The following TNXB variants were observed in gnomAD, a reference collection of about 807,000 sequenced individuals.
TNXB encodes the protein tenascin XB, also known as tenascin-X.
Under a neutral mutation model 340.5 loss-of-function variants are expected in TNXB, and 183 were observed. The ratio of observed to expected loss-of-function variants is 0.54; its 90% CI spans 0.48 to 0.61. The LOEUF (loss-of-function observed/expected upper bound fraction) is 0.61, where lower values mean the gene tolerates loss of function less well. TNXB is among the 20% of genes least tolerant of loss of function. The pLI, the probability that TNXB is intolerant of heterozygous loss-of-function variation, is 0.00. For missense variants in TNXB, 4,613 were observed against 5,446.4 expected (o/e 0.85, Z 4.82); for synonymous variants, 2,121 against 2,314.5 (o/e 0.92, Z 2.40).
At position 32,051,116 on chromosome 6, in the gene TNXB, TG is replaced by T; in HGVS notation, c.9116-796del. On this transcript the variant is annotated intron_variant, in intron 26 of 43. Coordinates refer to ENST00000644971, the MANE Select transcript of TNXB (RefSeq NM_001365276.2). This position sits in a 1 kb window ranked among gnomAD's most constrained non-coding sequence, Gnocchi z 4.7. ...AGCCTCCTGGCCTTTGCACCACCTG[TG>T]CTGATCTGACACGCTTCACCTTCTC... 6.6e-6 allele frequency among the ~76,000 whole-genome samples: 1 copy of T among 152,350 alleles called. No homozygotes were observed. Among genetic ancestry groups the T allele is most frequent in the African/African-American group, 2.4e-5 (1 of 41,576 alleles).
Position 32,073,905 on chromosome 6 carries a change from G to T in TNXB, c.4423C>A (p.Pro1475Thr). The T allele has an allele frequency of 6.2e-7, 1 of 1,607,654 alleles. No individual in the cohort carries two copies. The highest frequency in any genetic ancestry group is 1.1e-5 in the South Asian group (1 of 89,888). The part of the protein sequence containing the change: ...TPPATESPLE[P>T]RLGELTVTDV... The stretch of plus-strand genomic sequence containing the variant: ...GTCACTGTCAGCTCTCCTAGGCGTG[G>T]CTCCAGCGGGGACTCAGTGGCTGGA... The change falls in exon 12 of 44, where the codon CCA (proline) becomes ACA (threonine). Residue 1475 changes from proline to threonine, a missense_variant. Pro to Thr is a conservative substitution (Grantham distance 38). Coordinates refer to ENST00000644971, the MANE Select transcript of TNXB (RefSeq NM_001365276.2). This position sits in a 1 kb window ranked among gnomAD's most constrained non-coding sequence, Gnocchi z 4.6.
At chr6:32,060,224 C>T (rs1028759202) in intron 21 of TNXB, among the ~76,000 whole-genome samples, 3 of 149,552 alleles carry the variant, frequency 2.0e-5, no homozygotes, top group South Asian at 2.2e-4. Flanking sequence ...CCCAGCTACT[C>T]GGGAGGCTGA....
At position 32,098,086 on chromosome 6, in the gene TNXB, CG is replaced by C. The variant is rs758797300; in HGVS notation, c.112del (p.Arg38GlyfsTer66). On this transcript the variant is annotated frameshift_variant, in exon 2 of 44. Coordinates refer to ENST00000644971, the MANE Select transcript of TNXB (RefSeq NM_001365276.2). LOFTEE classifies it high-confidence loss of function. ...SRSNVTLPAP[R>X]PPPQPGGHTV... Reference sequence around the variant, plus strand: ...GTGGCCCCCTGGCTGGGGAGGGGGCCGGGGGGCTGGCAGTGTCACATTGGAC... The same window carrying C: ...GTGGCCCCCTGGCTGGGGAGGGGGCCGGGGGCTGGCAGTGTCACATTGGAC... 3.1e-6 allele frequency: 5 copies of C among 1,605,026 alleles called. No homozygotes were observed. The highest frequency in any genetic ancestry group is 4.2e-6 in the Non-Finnish European group (5 of 1,176,748).
chr6:32,098,002 C>T lies in TNXB; in HGVS notation c.197G>A (p.Gly66Glu), dbSNP rs200569294. 1.9e-6 allele frequency: 3 copies of T among 1,607,480 alleles called. No individual in the cohort carries two copies. The highest frequency in any genetic ancestry group is 2.2e-5 in the South Asian group (2 of 89,570). ...SSQLYEHTVE[G>E]GEKQVVFTHR... ...GGTGAATACCACCTGCTTCTCCCCTCCTTCCACTGTGTGCTCGTAAAGCTG... is the reference window on the plus strand; with the variant it reads ...GGTGAATACCACCTGCTTCTCCCCTTCTTCCACTGTGTGCTCGTAAAGCTG... Residue 66 changes from glycine (G) to glutamate (E), a missense_variant, in exon 2 of 44, where the codon GGA (glycine) becomes GAA (glutamate). Gly to Glu is a moderately conservative substitution (Grantham distance 98). Transcript: ENST00000644971.
chr6:32,043,819 G>C lies in TNXB; in HGVS notation c.11460C>G (p.Arg3820=), dbSNP rs183465462. Residue 3820 remains arginine, a synonymous_variant, in exon 35 of 44, where the codon CGC becomes CGG. Coordinates refer to ENST00000644971, the MANE Select transcript of TNXB (RefSeq NM_001365276.2). ...QKLQGLIPGA[R]YEVTVVSVRG... is the part of the protein sequence containing the mutation. Reference sequence around the variant, plus strand: ...GGACCGAGACCACGGTCACCTCATAGCGAGCGCCTGGGATCAGCCCCTGGA... The same window carrying C: ...GGACCGAGACCACGGTCACCTCATACCGAGCGCCTGGGATCAGCCCCTGGA... 1.2e-6 allele frequency: 2 copies of C among 1,613,606 alleles called. No homozygotes were observed. The highest frequency in any genetic ancestry group is 1.7e-5 in the Admixed American group (1 of 60,026).
rs768731027 is a variant in TNXB at position 32,087,248 on chromosome 6, T to C, written c.2780-1130A>G. On this transcript the variant is annotated intron_variant, in intron 6 of 43. Transcript: ENST00000644971. This position sits in a 1 kb window ranked among gnomAD's most constrained non-coding sequence, Gnocchi z 9.0. ...GGTGTCCCGTGGCCCCAGCCCACACTACCTGTGGTGGTGATGAAGGCGTAG... is the reference window on the plus strand; with the variant it reads ...GGTGTCCCGTGGCCCCAGCCCACACCACCTGTGGTGGTGATGAAGGCGTAG... 3 of 503,400 alleles carry C rather than the reference T, an allele frequency of 6.0e-6. No individual in the cohort carries two copies. Among genetic ancestry groups the C allele is most frequent in the Non-Finnish European group, 1.2e-5 (3 of 253,070 alleles). 31.2% of individuals were successfully genotyped at this position (503,400 alleles called of 1,614,324 possible).
Position 32,095,925 on chromosome 6 carries a change from G to A in TNXB, c.1928C>T (p.Thr643Ile), listed in dbSNP as rs1448592507. ...CATGCGGGTGGCACAGGTAGGGCCG[G>A]TGTAGCCTGGGTCGCACAGGCAGCG... ...EGRCLCDPGYTGPTCATRMCP... is the reference protein window; with the variant it reads ...EGRCLCDPGYIGPTCATRMCP... Residue 643 changes from threonine (T) to isoleucine (I), a missense_variant, in exon 3 of 44, where the codon ACC (threonine) becomes ATC (isoleucine). Physicochemically the swap from Thr to Ile is moderately conservative, Grantham distance 89. Transcript: ENST00000644971. 6.2e-7 allele frequency: 1 copy of A among 1,612,830 alleles called. No individual in the cohort carries two copies. Among genetic ancestry groups the A allele is most frequent in the Admixed American group, 1.7e-5 (1 of 59,946 alleles).
intron 18 of TNXB, among the ~76,000 whole-genome samples, chr6:32,065,574 T>C (rs542572541): frequency 1.3e-5 from 2 of 152,312 alleles, no homozygotes; most frequent in South Asian, 2.1e-4. Flanking sequence ...CAAGGCATGA[T>C]TGTTCACTTA....
At chr6:32,094,037 T>C (rs1276659076) in intron 4 of TNXB, among the ~76,000 whole-genome samples, 1 of 132,502 alleles carries the variant, frequency 7.5e-6, no homozygotes, top group Non-Finnish European at 1.5e-5. Context: ...GAGGTTGCAG[T>C]GAGCTGAGAT....
rs906668522 is a variant in TNXB, at chr6:32,084,248, T to C, written c.3445+165A>G. On this transcript the variant is annotated intron_variant, in intron 8 of 43. Transcript: ENST00000644971. The surrounding 1 kb of genome is among the most constrained non-coding windows in gnomAD (Gnocchi z 5.5). ...GTGACTCCCTCAGGCTGCACTGAGC[T>C]TCTCAAACTCTTTGCCTGCCCCACC... is the stretch of plus-strand genomic sequence containing the variant. Among the ~76,000 whole-genome samples the C allele has an allele frequency of 4.6e-5, 7 of 152,148 alleles. No individual in the cohort carries two copies. The highest frequency in any genetic ancestry group is 1.7e-4 in the African/African-American group (7 of 41,422).
Position 32,083,151 on chromosome 6 carries a change from G to A in TNXB, c.3446-825C>T, listed in dbSNP as rs924017769. ...TCCGTAGCCCTTGAATCACTGTTCC[G>A]GAATCTGACAAGTCCAACCGCACCC... On this transcript the variant is annotated intron_variant, in intron 8 of 43. Coordinates refer to ENST00000644971, the MANE Select transcript of TNXB (RefSeq NM_001365276.2). The surrounding 1 kb of genome is among the most constrained non-coding windows in gnomAD (Gnocchi z 4.6). Among the ~76,000 whole-genome samples the A allele has an allele frequency of 1.3e-5, 2 of 152,094 alleles. No individual in the cohort carries two copies. Among genetic ancestry groups the A allele is most frequent in the Non-Finnish European group, 2.9e-5 (2 of 68,022 alleles).
intron 1 of TNXB, among the ~76,000 whole-genome samples, chr6:32,102,890 A>G (rs1410654859): frequency 6.6e-6 from 1 of 152,244 alleles, no homozygotes; most frequent in Non-Finnish European, 1.5e-5. Flanking sequence ...ACTGCACTCC[A>G]GCCTGGCAAC....
At position 32,061,234 on chromosome 6, in the gene TNXB, T is replaced by C. The variant is rs1250717808; in HGVS notation, c.7492+163A>G. Among the ~76,000 whole-genome samples the C allele has an allele frequency of 2.0e-5, 3 of 151,576 alleles. No homozygotes were observed. The highest frequency in any genetic ancestry group is 4.4e-5 in the Non-Finnish European group (3 of 68,000). On this transcript the variant is annotated intron_variant, in intron 21 of 43. Transcript: ENST00000644971. This position sits in a 1 kb window ranked among gnomAD's most constrained non-coding sequence, Gnocchi z 4.4. ...CCATTAGAGGGAGGCCACGCCAAAG[T>C]GAACAAGCAAACCGCTAGCATAGGC...
At position 32,085,795 on chromosome 6, in the gene TNXB, G is replaced by A. The variant is rs1779730237; in HGVS notation, c.3103C>T (p.Pro1035Ser). The A allele has an allele frequency of 6.3e-7, 1 of 1,586,102 alleles. No individual in the cohort carries two copies. The highest frequency in any genetic ancestry group is 1.7e-5 in the Admixed American group (1 of 59,182). The stretch of plus-strand genomic sequence containing the variant: ...ATGGGGTCAGAGGGCTTGCCCCCAG[G>A]AGGGACCCCATGAAGTGACAGCTCA... Reference protein sequence around the residue: ...PYELSLHGVPPGGKPSDPIIY... With the variant: ...PYELSLHGVPSGGKPSDPIIY... The change falls in exon 7 of 44, where the codon CCT becomes TCT. Residue 1035 changes from proline (P) to serine (S), a missense_variant. Pro to Ser is a moderately conservative substitution (Grantham distance 74, BLOSUM62 -1). Around this residue, in one of 7 missense-constraint regions of TNXB, gnomAD observed 4,327 missense variants for 4,859.4 expected, o/e 0.89. Transcript: ENST00000644971. The surrounding 1 kb of genome is among the most constrained non-coding windows in gnomAD (Gnocchi z 6.4).
At position 32,053,680 on chromosome 6, in the gene TNXB, T is replaced by A; in HGVS notation, c.8499A>T (p.Ala2833=). 1.2e-6 allele frequency: 2 copies of A among 1,612,978 alleles called. No homozygotes were observed. Among genetic ancestry groups the A allele is most frequent in the Non-Finnish European group, 8.5e-7 (1 of 1,179,630 alleles). The change falls in exon 25 of 44, where the codon GCA becomes GCT. Residue 2833 remains alanine, a synonymous_variant. Transcript: ENST00000644971. Reference sequence around the variant, plus strand: ...GGGGCTCAGGGGTTGTGGTGGGCACTGCTTGGGTGGTCTCTGCTTCATCCT... The same window carrying A: ...GGGGCTCAGGGGTTGTGGTGGGCACAGCTTGGGTGGTCTCTGCTTCATCCT... ...APEDEAETTQ[A]VPTTTPEPPN...
chr6:32,050,345 G>C, intron 26 of TNXB, 24 bp from the exon 27 acceptor site: 8 of 1,606,730 alleles, frequency 5.0e-6, no homozygotes, highest in Non-Finnish European at 6.8e-6. Context: ...TGTGGGGACA[G>C]TGAGGACCCT....
rs561570384 is a variant in TNXB at position 32,046,375 on chromosome 6, C to A, written c.10406G>T (p.Trp3469Leu). Residue 3469 changes from tryptophan (W) to leucine (L), a missense_variant, in exon 31 of 44, where the codon TGG becomes TTG. Coordinates refer to ENST00000644971, the MANE Select transcript of TNXB (RefSeq NM_001365276.2). This position sits in a 1 kb window ranked among gnomAD's most constrained non-coding sequence, Gnocchi z 6.9. ...EETSSSLRLS[W>L]TVAQGPFDSF... is the part of the protein sequence containing the mutation. ...GTCAAAGGGGCCCTGGGCTACCGTC[C>A]AGGACAGGCGCAGAGAGCTGGAGGT... The A allele has an allele frequency of 6.9e-5, 110 of 1,599,170 alleles. No individual in the cohort carries two copies. Among genetic ancestry groups the A allele is most frequent in the Non-Finnish European group, 9.4e-5 (110 of 1,172,570 alleles).
In TNXB at chr6:32,084,704, C is replaced by T; in HGVS notation, c.3154G>A (p.Asp1052Asn). The T allele has an allele frequency of 6.4e-7, 1 of 1,563,280 alleles. No homozygotes were observed. The highest frequency in any genetic ancestry group is 8.7e-7 in the Non-Finnish European group (1 of 1,150,986). The change falls in exon 8 of 44, where the codon GAT (aspartate) becomes AAT (asparagine). Residue 1052 changes from aspartate (D) to asparagine (N), a missense_variant. Asp to Asn is a conservative substitution (Grantham distance 23). Transcript: ENST00000644971. The surrounding 1 kb of genome is among the most constrained non-coding windows in gnomAD (Gnocchi z 5.5). ...GAGGACTTCCCAGGCTTCTCCTCAT[C>T]CTTGTCTGGAGTTTGAGAGGCAAAA... ...PIIYQGIMDK[D>N]EEKPGKSSGP...
Position 32,067,053 on chromosome 6 carries a change from G to A in TNXB, c.6544+608C>T, listed in dbSNP as rs1378349025. Among the ~76,000 whole-genome samples, 1 of 149,690 alleles carries A rather than the reference G, an allele frequency of 6.7e-6. No homozygotes were observed. The highest frequency in any genetic ancestry group is 1.5e-5 in the Non-Finnish European group (1 of 67,788). On this transcript the variant is annotated intron_variant, in intron 18 of 43. Transcript: ENST00000644971. The surrounding 1 kb of genome is among the most constrained non-coding windows in gnomAD (Gnocchi z 4.2). ...ACTGTGCCAGTACACTCTAGCCCAG[G>A]CGACAGAGTGAGACCTTGTCTAAAA...
Sources: gnomAD v4.1 joint callset for allele counts (sites outside exome capture counted in the v4.1 genomes callset) on GRCh38, gnomAD v4.1.1 for gene constraint, gnomAD v4.1.1 regional missense constraint, Gnocchi (gnomAD v3.1) non-coding constraint, MANE v1.5 for transcripts, NCBI Gene and HGNC (gene_info 2026-07-23, HGNC 2026-07-21) for gene names.